Variants in CNTNAP3B observed in about 807,000 individuals in gnomAD.
CNTNAP3B encodes contactin associated protein family member 3B.
CNTNAP3B carries 25 observed loss-of-function variants against 108.9 expected under a neutral mutation model. The observed-to-expected ratio is 0.23, with a 90% confidence interval of 0.17 to 0.32. The LOEUF is 0.32. Ranked by LOEUF, CNTNAP3B falls within the 10% of genes least tolerant of loss-of-function variation. The probability of loss-of-function intolerance (pLI) is 1.00; values close to 1 mark genes in which losing one functional copy is unlikely to be tolerated. For synonymous variants in CNTNAP3B, 103 were observed against 473.4 expected (o/e 0.22, Z 10.16); for missense variants, 252 against 1,210.4 (o/e 0.21, Z 11.75).
chr9:42,111,478 C>A (rs565588399), intron 1 of CNTNAP3B, among the ~76,000 whole-genome samples: 1 of 138,298 alleles, frequency 7.2e-6, no homozygotes, highest in African/African-American at 2.9e-5. Flanking sequence ...AGCTGGTAAA[C>A]GGTATGCCTG....
intron 1 of CNTNAP3B, among the ~76,000 whole-genome samples, chr9:42,122,048 T>G (rs1426110395): frequency 7.1e-6 from 1 of 140,042 alleles, no homozygotes; most frequent in Non-Finnish European, 1.5e-5. Context: ...GTGGGTTACA[T>G]GACAAGTGAG....
At chr9:41,929,538 A>G (rs1197528532) in intron 14 of CNTNAP3B, 94 bp from the exon 15 acceptor site, 2 of 1,457,978 alleles carry the variant, frequency 1.4e-6, no homozygotes, top group African/African-American at 3.3e-5. Context: ...AACTAACATC[A>G]TAGAGCTTAA....
chr9:41,964,780 C>G (rs1470514702), intron 10 of CNTNAP3B, 136 bp from the exon 11 acceptor site: 3 of 1,023,504 alleles, frequency 2.9e-6, no homozygotes, highest in South Asian at 3.7e-5. Context: ...GGTCTGCCAT[C>G]AAGGTTCTCT....
At chr9:41,995,694 G>A (rs1373502428) in intron 7 of CNTNAP3B, among the ~76,000 whole-genome samples, 1 of 121,360 alleles carries the variant, frequency 8.2e-6, no homozygotes, top group East Asian at 2.5e-4. Context: ...TCGTGACACT[G>A]CACTCCAGTC....
intron 3 of CNTNAP3B, among the ~76,000 whole-genome samples, chr9:42,032,735 C>G (rs142987731): frequency 0.21 from 23,804 of 114,846 alleles, 375 homozygotes; most frequent in Middle Eastern, 0.25. Context: ...ATACTGCAGA[C>G]TGGGAGGTTT....
At chr9:41,944,275 TTAAAA>T (rs1824455500) in intron 13 of CNTNAP3B, among the ~76,000 whole-genome samples, 2 of 147,984 alleles carry the variant, frequency 1.4e-5, no homozygotes, top group African/African-American at 2.5e-5. Context: ...AAGAAAAAAA[TTAAAA>T]TAAAATCTAG....
At chr9:41,921,430 C>T (rs1234887080) in intron 17 of CNTNAP3B, among the ~76,000 whole-genome samples, 9 of 150,992 alleles carry the variant, frequency 6.0e-5, no homozygotes, top group East Asian at 1.9e-4. Flanking sequence ...CACATACATA[C>T]GTGGGTTCAC....
In CNTNAP3B at chr9:42,117,857, C is replaced by A. The variant is rs1277544201; in HGVS notation, c.85+11153G>T. Among the ~76,000 whole-genome samples, 4 of 138,842 alleles carry A rather than the reference C, an allele frequency of 2.9e-5. 1 individual carries two copies. Among genetic ancestry groups the A allele is most frequent in the African/African-American group, 1.1e-4 (4 of 34,996 alleles). 91.1% of individuals were successfully genotyped at this position (138,842 alleles called of 152,430 possible). A position where few individuals can be genotyped will look rare whatever the true frequency, so the allele number is the denominator to read the frequency against. ...TGACAAAGGGGATATCACCACCGAT[C>A]CCACAGAAATACAAACTACCATCAG... On this transcript the variant is annotated intron_variant, in intron 1 of 23. Coordinates refer to ENST00000377561, the MANE Select transcript of CNTNAP3B (RefSeq NM_001201380.3).
At chr9:41,934,378 C>T (rs1362424598) in intron 14 of CNTNAP3B, among the ~76,000 whole-genome samples, 2 of 152,246 alleles carry the variant, frequency 1.3e-5, no homozygotes, top group Non-Finnish European at 2.9e-5. Flanking sequence ...ACCACCATGC[C>T]TGGCTAATAT....
At chr9:42,122,590 C>T (rs1828487019) in intron 1 of CNTNAP3B, among the ~76,000 whole-genome samples, 2 of 135,252 alleles carry the variant, frequency 1.5e-5, no homozygotes, top group African/African-American at 5.9e-5. Context: ...TTTGATGTTG[C>T]ATTACTTTTT....
At chr9:41,940,109 A>G (rs1303641287) in intron 13 of CNTNAP3B, among the ~76,000 whole-genome samples, 5 of 152,296 alleles carry the variant, frequency 3.3e-5, no homozygotes, top group African/African-American at 1.2e-4. Context: ...TATAAAAAGA[A>G]CTGAGCCATA....
At chr9:41,969,105 C>G (rs1247924217) in intron 10 of CNTNAP3B, among the ~76,000 whole-genome samples, 1 of 152,282 alleles carries the variant, frequency 6.6e-6, no homozygotes, top group East Asian at 1.9e-4. Flanking sequence ...CAGATTATCA[C>G]TTTTCAATTT....
intron 14 of CNTNAP3B, among the ~76,000 whole-genome samples, chr9:41,934,107 A>ATGTG (rs1415826811): frequency 1.5e-5 from 2 of 134,342 alleles, no homozygotes; most frequent in African/African-American, 3.0e-5. Flanking sequence ...TTACATATAT[A>ATGTG]TATATATATA....
intron 10 of CNTNAP3B, among the ~76,000 whole-genome samples, chr9:41,968,154 A>G (rs1825337671): frequency 6.6e-6 from 1 of 151,866 alleles, no homozygotes; most frequent in Non-Finnish European, 1.5e-5. Context: ...TATATATCTC[A>G]TAACAGAAAC....
At chr9:41,921,519 G>A (rs1823666616) in intron 17 of CNTNAP3B, among the ~76,000 whole-genome samples, 1 of 151,556 alleles carries the variant, frequency 6.6e-6, no homozygotes, top group East Asian at 1.9e-4. Context: ...ATTTAGTCCA[G>A]TTTTAATTAG....
intron 9 of CNTNAP3B, among the ~76,000 whole-genome samples, chr9:41,971,040 A>G (rs1282893318): frequency 3.3e-5 from 5 of 150,380 alleles, no homozygotes; most frequent in African/African-American, 1.2e-4. Flanking sequence ...TAAAAATTTC[A>G]CTACAATCGT....
intron 3 of CNTNAP3B, among the ~76,000 whole-genome samples, chr9:42,044,449 A>G (rs1239401548): frequency 7.1e-6 from 1 of 141,378 alleles, no homozygotes; most frequent in African/African-American, 2.7e-5. Context: ...AGCCTTTTAA[A>G]GTTCATTATT....
At chr9:42,087,326 A>G (rs1827724234) in intron 2 of CNTNAP3B, among the ~76,000 whole-genome samples, 1 of 135,144 alleles carries the variant, frequency 7.4e-6, no homozygotes, top group African/African-American at 2.9e-5. Flanking sequence ...GTCTGCTAAG[A>G]CTACAAAGGC....
Position 42,122,093 on chromosome 9 carries a change from G to A in CNTNAP3B, c.85+6917C>T, listed in dbSNP as rs1365861081. 2.9e-5 allele frequency among the ~76,000 whole-genome samples: 4 copies of A among 139,470 alleles called. 1 individual carries two copies. The highest frequency in any genetic ancestry group is 4.6e-5 in the Non-Finnish European group (3 of 64,938). The allele number at this position is 139,470 out of a possible 152,430, so 91.5% of individuals were successfully genotyped here. On this transcript the variant is annotated intron_variant, in intron 1 of 23. Coordinates refer to ENST00000377561, the MANE Select transcript of CNTNAP3B (RefSeq NM_001201380.3). ...GCTTAGGGAATTCAAAGTTTTCTAT[G>A]GGCAGCAGGCTTTGCTTGCCCTTTG...
Sources: allele counts gnomAD v4.1 joint callset (sites outside exome capture counted in the v4.1 genomes callset), GRCh38; gene constraint gnomAD v4.1.1; transcripts MANE v1.5; gene names NCBI Gene and HGNC (gene_info 2026-07-23, HGNC 2026-07-21).